Variants in DNAH11 observed in about 807,000 individuals in gnomAD.
DNAH11 encodes dynein axonemal heavy chain 11, also known as axonemal beta dynein heavy chain 11.
DNAH11 carries 442 observed loss-of-function variants against 526.0 expected under a neutral mutation model. The ratio of observed to expected loss-of-function variants is 0.84; its 90% confidence interval spans 0.78 to 0.91. DNAH11 has a LOEUF of 0.91. Among genes scored for constraint, DNAH11 ranks in the 40% least tolerant of loss-of-function variants. The probability of loss-of-function intolerance (pLI) is 0.00; values close to 1 mark genes in which losing one functional copy is unlikely to be tolerated. For missense variants in DNAH11, 6,989 were observed against 5,448.7 expected, an observed-to-expected ratio of 1.28 and a Z score of -8.90; for synonymous variants, 2,461 against 1,935.9, an observed-to-expected ratio of 1.27 and a Z score of -7.12.
At chr7:21,754,303 G>T (rs1360412540) in intron 54 of DNAH11, among the ~76,000 whole-genome samples, 1 of 152,060 alleles carries the variant, frequency 6.6e-6, no homozygotes, top group Non-Finnish European at 1.5e-5. Context: ...AGGATCTATT[G>T]AGATATGTAT....
At chr7:21,644,812 G>A (rs1357315277) in intron 28 of DNAH11, among the ~76,000 whole-genome samples, 1 of 152,200 alleles carries the variant, frequency 6.6e-6, no homozygotes, top group African/African-American at 2.4e-5. Context: ...TATAAAGGCA[G>A]CCTGATTCAC....
At chr7:21,582,926 T>C (rs1289885141) in intron 9 of DNAH11, among the ~76,000 whole-genome samples, 1 of 152,148 alleles carries the variant, frequency 6.6e-6, no homozygotes, top group African/African-American at 2.4e-5. Context: ...ACCGGCGTTC[T>C]CTGGCCCCAG....
chr7:21,894,462 G>A (rs1784435798), intron 77 of DNAH11, among the ~76,000 whole-genome samples, 161 bp from the exon 78 acceptor site: 1 of 152,206 alleles, frequency 6.6e-6, no homozygotes, highest in South Asian at 2.1e-4. Flanking sequence ...CTGCCATGCT[G>A]CCCACCTCCT....
chr7:21,737,679 G>A (rs533389274), intron 46 of DNAH11, among the ~76,000 whole-genome samples: 2 of 152,328 alleles, frequency 1.3e-5, no homozygotes, highest in Admixed American at 1.3e-4. Context: ...GGCTGTGGTT[G>A]GACAAACATG....
chr7:21,690,771 A>G lies in DNAH11; in HGVS notation c.5931A>G (p.Val1977=), dbSNP rs1783582390. Residue 1977 remains valine, a synonymous_variant, in exon 35 of 82, where the codon GTA becomes GTG. Coordinates refer to ENST00000409508, the MANE Select transcript of DNAH11 (RefSeq NM_001277115.2). ...DAIRNRKKRF[V]FLGEAITLKP... is the part of the protein sequence containing the mutation. ...AACATTCTTTTTATGGTAGATTTGTATTTCTTGGGGAAGCTATCACACTGA... is the reference window on the plus strand; with the variant it reads ...AACATTCTTTTTATGGTAGATTTGTGTTTCTTGGGGAAGCTATCACACTGA... The G allele has an allele frequency of 6.2e-7, 1 of 1,604,734 alleles. No homozygotes were observed. The highest frequency in any genetic ancestry group is 1.3e-5 in the African/African-American group (1 of 74,718).
chr7:21,640,381 G>C (rs775398218), intron 28 of DNAH11, among the ~76,000 whole-genome samples: 38 of 152,072 alleles, frequency 2.5e-4, no homozygotes, highest in Non-Finnish European at 4.9e-4. Context: ...GAGGGTAGCA[G>C]GTATTGTATT....
At chr7:21,836,455 A>T (rs1782001394) in intron 65 of DNAH11, among the ~76,000 whole-genome samples, 1 of 152,168 alleles carries the variant, frequency 6.6e-6, no homozygotes, top group South Asian at 2.1e-4. Flanking sequence ...CTTATAGTCA[A>T]CTGATTTTCA....
intron 28 of DNAH11, among the ~76,000 whole-genome samples, chr7:21,653,769 T>G (rs549304163): frequency 6.6e-6 from 1 of 152,252 alleles, no homozygotes; most frequent in Non-Finnish European, 1.5e-5. Context: ...AAAACTCATC[T>G]ATTTGAAACT....
intron 27 of DNAH11, among the ~76,000 whole-genome samples, chr7:21,638,691 G>GGTGTGTGTGTGTGTGT (rs56257528): frequency 2.1e-5 from 3 of 144,118 alleles, no homozygotes; most frequent in Admixed American, 6.9e-5. Context: ...CAGCTAATGG[G>GGTGTGTGTGTGTGTGT]GTGTGTGTGT....
At chr7:21,660,924 G>T (rs1425056293) in intron 30 of DNAH11, among the ~76,000 whole-genome samples, 3 of 151,964 alleles carry the variant, frequency 2.0e-5, no homozygotes, top group African/African-American at 7.2e-5. Context: ...AAAAGTGACT[G>T]AATATTATTT....
chr7:21,598,384 G>C (rs1333307866), intron 14 of DNAH11, among the ~76,000 whole-genome samples: 1 of 152,150 alleles, frequency 6.6e-6, no homozygotes, highest in Non-Finnish European at 1.5e-5. Context: ...TGCTCAACCT[G>C]TAGTGGTCCT....
In DNAH11 at chr7:21,786,813, C is replaced by A. The variant is rs753055649; in HGVS notation, c.9741+46C>A. ...GATGAAAATCCTGATAATTTCCATA[C>A]TGTTTTCAGTACTGTGGTTATGCTT... On this transcript the variant is annotated intron_variant, in intron 59 of 81. Transcript: ENST00000409508. 1.9e-6 allele frequency: 3 copies of A among 1,609,208 alleles called. No individual in the cohort carries two copies. The East Asian group carries it at 6.7e-5, about 36-fold the overall frequency.
rs762324698 is a variant in DNAH11 at position 21,601,466 on chromosome 7, C to T, written c.3496C>T (p.His1166Tyr). ...TCAGAGAGAATTAAATGAAGGTGATCATGATGGTTTAGTTGACATCATGGT... is the reference window on the plus strand; with the variant it reads ...TCAGAGAGAATTAAATGAAGGTGATTATGATGGTTTAGTTGACATCATGGT... ...GLQRELNEGD[H>Y]DGLVDIMVHL... Residue 1166 changes from histidine (H) to tyrosine (Y), a missense_variant, in exon 18 of 82, where the codon CAT becomes TAT. His to Tyr is a moderately conservative substitution (Grantham distance 83). Coordinates refer to ENST00000409508, the MANE Select transcript of DNAH11 (RefSeq NM_001277115.2). The T allele has an allele frequency of 1.5e-5, 24 of 1,613,610 alleles. No individual in the cohort carries two copies. The highest frequency in any genetic ancestry group is 1.7e-6 in the Non-Finnish European group (2 of 1,179,812).
rs570739801 is a variant in DNAH11, at chr7:21,816,818, G to A, written c.10568+116G>A. 10 of 830,898 alleles carry A rather than the reference G, an allele frequency of 1.2e-5. No individual in the cohort carries two copies. In the East Asian group the frequency reaches 2.7e-4, roughly 22 times the overall value. 51.5% of individuals were successfully genotyped at this position (830,898 alleles called of 1,614,324 possible). A position where few individuals can be genotyped will look rare whatever the true frequency, so the allele number is the denominator to read the frequency against. On this transcript the variant is annotated intron_variant, in intron 64 of 81. Transcript: ENST00000409508. ...CACCACATTGATGTATTACAATTTG[G>A]TGCTATTTGTTTATCTGCCTGTTCA... is the stretch of plus-strand genomic sequence containing the variant.
chr7:21,615,067 C>G (rs781434071), intron 20 of DNAH11, 47 bp from the exon 21 acceptor site: 1 of 1,547,398 alleles, frequency 6.5e-7, no homozygotes, highest in African/African-American at 1.4e-5. Flanking sequence ...TGCATGTCTT[C>G]TCTTTCTCTG....
intron 44 of DNAH11, among the ~76,000 whole-genome samples, chr7:21,721,914 A>G (rs1003033894): frequency 9.2e-5 from 14 of 152,096 alleles, no homozygotes; most frequent in African/African-American, 2.7e-4. Flanking sequence ...CCCTGGGTCA[A>G]TTCCTTTTTC....
intron 54 of DNAH11, among the ~76,000 whole-genome samples, chr7:21,764,100 C>G (rs1004983932): frequency 1.3e-5 from 2 of 152,016 alleles, no homozygotes; most frequent in African/African-American, 4.8e-5. Flanking sequence ...TGAAAAAGTT[C>G]TAGAGATCTG....
intron 61 of DNAH11, among the ~76,000 whole-genome samples, chr7:21,796,273 C>A (rs970365587): frequency 6.6e-6 from 1 of 152,120 alleles, no homozygotes; most frequent in African/African-American, 2.4e-5. Flanking sequence ...TAAACTAGCC[C>A]CAGTAGGGAT....
chr7:21,756,011 A>G (rs1786618923), intron 54 of DNAH11, among the ~76,000 whole-genome samples: 1 of 152,070 alleles, frequency 6.6e-6, no homozygotes, highest in African/African-American at 2.4e-5. Context: ...GTTTTAATTT[A>G]TCATAATTCT....
Sources: gnomAD v4.1 joint callset for allele counts (sites outside exome capture counted in the v4.1 genomes callset) on GRCh38, gnomAD v4.1.1 for gene constraint, MANE v1.5 for transcripts, NCBI Gene and HGNC (gene_info 2026-07-23, HGNC 2026-07-21) for gene names.